The following VGLL4 variants were observed in gnomAD, a reference collection of about 807,000 sequenced individuals.
The protein encoded by VGLL4 is transcription cofactor vestigial-like protein 4.
A neutral mutation model predicts 21.0 loss-of-function variants in VGLL4; 7 were observed. The ratio of observed to expected loss-of-function variants is 0.33; its 90% CI spans 0.19 to 0.63. The LOEUF (loss-of-function observed/expected upper bound fraction) is 0.63. Ranked by LOEUF, VGLL4 falls within the 20% of genes least tolerant of loss-of-function variation. The pLI, the probability that VGLL4 is intolerant of heterozygous loss-of-function variation, is 0.78. For missense variants in VGLL4, 394 were observed against 425.7 expected, an observed-to-expected ratio of 0.93 and a Z score of 0.66; for synonymous variants, 222 against 173.2, an observed-to-expected ratio of 1.28 and a Z score of -2.21.
intron 2 of VGLL4, among the ~76,000 whole-genome samples, chr3:11,567,630 C>T (rs190874989): frequency 1.1e-4 from 16 of 152,336 alleles, no homozygotes; most frequent in African/African-American, 3.6e-4. Flanking sequence ...GCACAGGTTT[C>T]TGCAATGAAT....
chr3:11,600,159 T>A (rs543261171), intron 2 of VGLL4, among the ~76,000 whole-genome samples: 61 of 152,278 alleles, frequency 4.0e-4, no homozygotes, highest in African/African-American at 1.4e-3. Flanking sequence ...ATATTTTAAC[T>A]CTAGTCCTCG....
rs578081126 is a variant in VGLL4, at chr3:11,669,983, T to C, written c.64+32988A>G. On this transcript the variant is annotated intron_variant, in intron 2 of 5. Transcript: ENST00000273038. ...AATATCACTCTTTTCAATGTTTCAA[T>C]TCTGCCATGCTTTGGTAAAACTAAA... Among the ~76,000 whole-genome samples the C allele has an allele frequency of 1.1e-4, 17 of 152,306 alleles. 1 individual carries two copies. The South Asian group carries it at 3.3e-3, about 30-fold the overall frequency.
At position 11,599,164 on chromosome 3, in the gene VGLL4, T is replaced by A. The variant is rs116850690; in HGVS notation, c.272+2669A>T. On this transcript the variant is annotated intron_variant, in intron 2 of 4. Transcript: ENST00000430365. Reference sequence around the variant, plus strand: ...TTAGAAAACACAGTACAAACAATGGTAATGTTACTAAAATAACTATCACAC... The same window carrying A: ...TTAGAAAACACAGTACAAACAATGGAAATGTTACTAAAATAACTATCACAC... Among the ~76,000 whole-genome samples the A allele has an allele frequency of 5.5e-3, 831 of 152,284 alleles. 24 individuals are homozygous for A. The East Asian group carries it at 0.067, about 12-fold the overall frequency.
chr3:11,580,569 A>G (rs2074196603), intron 2 of VGLL4, among the ~76,000 whole-genome samples: 2 of 152,256 alleles, frequency 1.3e-5, no homozygotes. Context: ...CATCATTGGT[A>G]GTAAAGGAGG....
chr3:11,558,775 G>C lies in VGLL4; in HGVS notation c.672C>G (p.Gly224=). ...VVEEHFRRSL[G]KNYKEPEPAP... is the part of the protein sequence containing the mutation. ...CCGGCTCGGGCTCCTTGTAATTCTT[G>C]CCCAGGCTCCTGCGGAAATGCTCCT... is the stretch of plus-strand genomic sequence containing the variant. Residue 224 remains glycine, a synonymous_variant, in exon 5 of 5, where the codon GGC becomes GGG. Transcript: ENST00000430365. The C allele has an allele frequency of 6.2e-7, 1 of 1,614,038 alleles. No homozygotes were observed. Among genetic ancestry groups the C allele is most frequent in the Non-Finnish European group, 8.5e-7 (1 of 1,180,000 alleles).
intron 1 of VGLL4, among the ~76,000 whole-genome samples, chr3:11,626,891 G>A (rs1188973347): frequency 7.3e-6 from 1 of 136,422 alleles, no homozygotes; most frequent in Non-Finnish European, 1.6e-5. Context: ...TGGTGGAAGG[G>A]ATGCACAAGA....
chr3:11,569,036 C>T, intron 2 of VGLL4: 2 of 728,394 alleles, frequency 2.7e-6, no homozygotes, highest in South Asian at 1.1e-4. Context: ...GCCACACGCT[C>T]TCTAAGCTAA....
At chr3:11,711,553 CA>C (rs879590150) in intron 1 of VGLL4, among the ~76,000 whole-genome samples, 369 of 131,534 alleles carry the variant, frequency 2.8e-3, no homozygotes, top group Middle Eastern at 8.0e-3. Flanking sequence ...GGCTCCATCT[CA>C]AAAAAAAAAA....
intron 1 of VGLL4, among the ~76,000 whole-genome samples, chr3:11,718,007 TCA>T (rs1264278808): frequency 6.6e-6 from 1 of 152,212 alleles, no homozygotes; most frequent in Non-Finnish European, 1.5e-5. Context: ...ACTACAACAT[TCA>T]CAGTTTTGGA....
At chr3:11,613,993 G>A (rs907536060) in intron 1 of VGLL4, among the ~76,000 whole-genome samples, 8 of 152,310 alleles carry the variant, frequency 5.3e-5, no homozygotes, top group East Asian at 1.9e-4. Flanking sequence ...AGCCGGCGAC[G>A]TCATCTCAGA....
At chr3:11,684,832 T>A (rs534161116) in intron 2 of VGLL4, among the ~76,000 whole-genome samples, 1 of 151,620 alleles carries the variant, frequency 6.6e-6, no homozygotes, top group African/African-American at 2.4e-5. Context: ...GCTTTTTGAG[T>A]TTTTTGTGAT....
rs116076957 is a variant in VGLL4, at chr3:11,609,559, C to T, written c.83-7537G>A. Among the ~76,000 whole-genome samples the T allele has an allele frequency of 4.4e-3, 669 of 152,346 alleles. 5 individuals are homozygous for T. Among genetic ancestry groups the T allele is most frequent in the Non-Finnish European group, 7.5e-3 (509 of 68,028 alleles). ...GAATCTGGTTCACCAAATGCAGATTCGATTTTCATAGAACAGAACAATCAA... is the reference window on the plus strand; with the variant it reads ...GAATCTGGTTCACCAAATGCAGATTTGATTTTCATAGAACAGAACAATCAA... On this transcript the variant is annotated intron_variant, in intron 1 of 4. Coordinates refer to ENST00000430365, the MANE Select transcript of VGLL4 (RefSeq NM_001128219.3).
chr3:11,622,674 C>T (rs147772008), intron 1 of VGLL4, among the ~76,000 whole-genome samples: 3 of 152,358 alleles, frequency 2.0e-5, no homozygotes, highest in East Asian at 1.9e-4. Flanking sequence ...TGGTTTGCAG[C>T]CACTGACATT....
upstream of VGLL4, among the ~76,000 whole-genome samples, chr3:11,648,822 AG>A (rs1467570133): frequency 1.3e-5 from 2 of 152,356 alleles, no homozygotes; most frequent in Non-Finnish European, 2.9e-5. Flanking sequence ...ATAAATTTTA[AG>A]TGATTTTCCA....
In VGLL4 at chr3:11,679,969, A is replaced by T. The variant is rs887285544; in HGVS notation, c.64+23002T>A. Among the ~76,000 whole-genome samples the T allele has an allele frequency of 5.9e-5, 9 of 152,282 alleles. No homozygotes were observed. In the East Asian group the frequency reaches 1.5e-3, roughly 26 times the overall value. ...CCCATTCACTCACCACTCACTACTC[A>T]CCCAGTGCAACTTCCAGTCATGGTA... On this transcript the variant is annotated intron_variant, in intron 2 of 5. Coordinates refer to the VGLL4 transcript ENST00000273038.
chr3:11,713,826 AC>A (rs1343864647), intron 1 of VGLL4, among the ~76,000 whole-genome samples: 1 of 151,800 alleles, frequency 6.6e-6, no homozygotes, highest in Non-Finnish European at 1.5e-5. Context: ...AGAAAGTGAG[AC>A]CCCCATTAAC....
chr3:11,625,691 G>A (rs2075338908), intron 1 of VGLL4, among the ~76,000 whole-genome samples: 1 of 150,772 alleles, frequency 6.6e-6, no homozygotes, highest in Non-Finnish European at 1.5e-5. Context: ...CCTTTATCCA[G>A]GAGCTAGTAT....
rs2072672158 is a variant in VGLL4 at position 11,558,753 on chromosome 3, G to C, written c.694C>G (p.Pro232Ala). 6.2e-7 allele frequency: 1 copy of C among 1,614,168 alleles called. No individual in the cohort carries two copies. Among genetic ancestry groups the C allele is most frequent in the Non-Finnish European group, 8.5e-7 (1 of 1,180,036 alleles). The change falls in exon 5 of 5, where the codon CCG becomes GCG. Residue 232 changes from proline to alanine, a missense_variant. Transcript: ENST00000430365. Reference sequence around the variant, plus strand: ...GTGATGGACACGGAGTTGGGTGCCGGCTCGGGCTCCTTGTAATTCTTGCCC... The same window carrying C: ...GTGATGGACACGGAGTTGGGTGCCGCCTCGGGCTCCTTGTAATTCTTGCCC... Reference protein sequence around the residue: ...SLGKNYKEPEPAPNSVSITGS... With the variant: ...SLGKNYKEPEAAPNSVSITGS...
At chr3:11,590,468 A>T (rs1246683770) in intron 2 of VGLL4, among the ~76,000 whole-genome samples, 1 of 152,150 alleles carries the variant, frequency 6.6e-6, no homozygotes, top group Non-Finnish European at 1.5e-5. Flanking sequence ...GTTGGAGGAG[A>T]GGGCAGTAGC....
Sources: gnomAD v4.1 joint callset for allele counts (sites outside exome capture counted in the v4.1 genomes callset) on GRCh38, gnomAD v4.1.1 for gene constraint, MANE v1.5 for transcripts, NCBI Gene and HGNC (gene_info 2026-07-23, HGNC 2026-07-21) for gene names.